CLNS1A: variants seen among roughly 807,000 people sequenced by gnomAD.
CLNS1A encodes the protein methylosome subunit pICln.
CLNS1A carries 16 observed loss-of-function variants against 29.4 expected under a neutral mutation model. That is an observed-to-expected ratio of 0.54 (90% CI 0.37 to 0.83). CLNS1A has a LOEUF of 0.83. CLNS1A is among the 40% of genes least tolerant of loss of function. CLNS1A has a pLI of 0.00. For synonymous variants in CLNS1A, 96 were observed against 104.8 expected (o/e 0.92, Z 0.51); for missense variants, 235 against 287.4 (o/e 0.82, Z 1.32).
chr11:77,637,249 A>AAAAAAAAAG (rs1959137076), intron 1 of CLNS1A, among the ~76,000 whole-genome samples: 1 of 147,230 alleles, frequency 6.8e-6, no homozygotes, highest in Non-Finnish European at 1.5e-5. Context: ...GAGTTAAAAA[A>AAAAAAAAAG]AAAAAAAAAA....
intron 4 of CLNS1A, among the ~76,000 whole-genome samples, chr11:77,624,059 TG>T (rs1279195864): frequency 6.6e-6 from 1 of 152,162 alleles, no homozygotes; most frequent in Non-Finnish European, 1.5e-5. Flanking sequence ...GCCCAGGAGT[TG>T]GAGACCAGCT....
intron 2 of CLNS1A, among the ~76,000 whole-genome samples, chr11:77,627,753 CCCTT>C (rs1019448756): frequency 6.6e-6 from 1 of 152,118 alleles, no homozygotes; most frequent in Non-Finnish European, 1.5e-5. Context: ...CTAATATACT[CCCTT>C]AACTTTTTGG....
At chr11:77,623,845 C>T (rs1419097858) in intron 4 of CLNS1A, among the ~76,000 whole-genome samples, 1 of 152,188 alleles carries the variant, frequency 6.6e-6, no homozygotes, top group African/African-American at 2.4e-5. Flanking sequence ...TATAAAGACT[C>T]TTATCACGCT....
chr11:77,625,822 G>T lies in CLNS1A; in HGVS notation c.263-4C>A. On this transcript the variant is annotated splice_region_variant and splice_polypyrimidine_tract_variant and intron_variant, in intron 2 of 6. Transcript: ENST00000525428. ...GCAACAGGTTCTTTTGATTCTTCTA[G>T]AAAATAAAATACCCTTTTAATGTCA... 1 of 1,555,136 alleles carries T rather than the reference G, an allele frequency of 6.4e-7. No individual in the cohort carries two copies.
At chr11:77,622,320 G>A in intron 5 of CLNS1A, 180 bp downstream of exon 5, 1 of 596,152 alleles carries the variant, frequency 1.7e-6, no homozygotes, top group Non-Finnish European at 2.8e-6. Flanking sequence ...TGGTAATGAG[G>A]AAAAAAAATC....
chr11:77,632,113 G>T (rs772469508), intron 1 of CLNS1A, among the ~76,000 whole-genome samples: 1 of 152,088 alleles, frequency 6.6e-6, no homozygotes, highest in Non-Finnish European at 1.5e-5. Context: ...CATTCCTACT[G>T]GTTCCAAAGA....
intron 1 of CLNS1A, among the ~76,000 whole-genome samples, chr11:77,635,390 C>T (rs1420199750): frequency 2.1e-5 from 3 of 145,548 alleles, no homozygotes; most frequent in African/African-American, 5.1e-5. Context: ...CTCACTCTGT[C>T]ACCCAGGCTG....
intron 1 of CLNS1A, among the ~76,000 whole-genome samples, chr11:77,630,402 C>G (rs954376072): frequency 6.6e-6 from 1 of 152,248 alleles, no homozygotes; most frequent in East Asian, 1.9e-4. Flanking sequence ...CCTTCAAAAC[C>G]GTTAACAAAG....
At position 77,614,562 on chromosome 11, in the gene CLNS1A, G is replaced by A. The variant is rs912895532; in HGVS notation, c.*2156C>T. 1.3e-5 allele frequency: 2 copies of A among 152,196 alleles called. No homozygotes were observed. Among genetic ancestry groups the A allele is most frequent in the African/African-American group, 4.8e-5 (2 of 41,406 alleles). 9.4% of individuals were successfully genotyped at this position (152,196 alleles called of 1,614,324 possible). ...GGTTTTCACCGTATTGGCCAGGCTG[G>A]TCTCAAACTCCTGACCTCAAGTGAT... On this transcript the variant is annotated 3_prime_UTR_variant, in exon 7 of 7. Transcript: ENST00000525428.
At chr11:77,632,666 AT>A (rs1959086311) in intron 1 of CLNS1A, among the ~76,000 whole-genome samples, 1 of 151,976 alleles carries the variant, frequency 6.6e-6, no homozygotes, top group Non-Finnish European at 1.5e-5. Context: ...AGGTTTCTGT[AT>A]TTTACTTTTT....
At chr11:77,633,123 T>C (rs565573391) in intron 1 of CLNS1A, among the ~76,000 whole-genome samples, 2 of 151,504 alleles carry the variant, frequency 1.3e-5, no homozygotes, top group East Asian at 3.9e-4. Flanking sequence ...GACAGTACAT[T>C]CATTTAATCT....
At chr11:77,620,803 GA>G (rs1958949782) in intron 5 of CLNS1A, among the ~76,000 whole-genome samples, 1 of 151,904 alleles carries the variant, frequency 6.6e-6, no homozygotes, top group South Asian at 2.1e-4. Flanking sequence ...CCAACATGGT[GA>G]AACCCCGCCT....
intron 1 of CLNS1A, among the ~76,000 whole-genome samples, chr11:77,635,346 G>C (rs1959113804): frequency 6.8e-6 from 1 of 147,250 alleles, no homozygotes; most frequent in South Asian, 2.2e-4. Flanking sequence ...CTTTAGGTTT[G>C]AAATTTTTCT....
rs761829424 is a variant in CLNS1A, at chr11:77,619,615, G to T, written c.*13C>A. The T allele has an allele frequency of 1.2e-6, 2 of 1,601,284 alleles. No homozygotes were observed. The highest frequency in any genetic ancestry group is 1.7e-5 in the Admixed American group (1 of 60,018). On this transcript the variant is annotated 3_prime_UTR_variant, in exon 6 of 7. Coordinates refer to ENST00000525428, the MANE Select transcript of CLNS1A (RefSeq NM_001293.3). The stretch of plus-strand genomic sequence containing the variant: ...AAAATGAACTACTCACCTTAAACTT[G>T]CATAAATCATTTTCAGTGATCAACA...
At position 77,637,663 on chromosome 11, in the gene CLNS1A, G is replaced by GC; in HGVS notation, c.51dup (p.Arg18AlafsTer7). Reference sequence around the variant, plus strand: ...ACAGCCTCAGTGTCTGGCTGCTGCCGCAGGAGCCCCTCCGCTGGCCCAGGC... The same window carrying GC: ...ACAGCCTCAGTGTCTGGCTGCTGCCGCCAGGAGCCCCTCCGCTGGCCCAGGC... On this transcript the variant is annotated frameshift_variant, in exon 1 of 7. Coordinates refer to ENST00000525428, the MANE Select transcript of CLNS1A (RefSeq NM_001293.3). LOFTEE classifies it high-confidence loss of function. 4 of 1,573,534 alleles carry GC rather than the reference G, an allele frequency of 2.5e-6. No individual in the cohort carries two copies. Among genetic ancestry groups the GC allele is most frequent in the Non-Finnish European group, 3.4e-6 (4 of 1,160,030 alleles).
At position 77,619,686 on chromosome 11, in the gene CLNS1A, T is replaced by C. The variant is rs757786178; in HGVS notation, c.656A>G (p.Glu219Gly). Residue 219 changes from glutamate to glycine, a missense_variant, in exon 6 of 7, where the codon GAG becomes GGG. Coordinates refer to ENST00000525428, the MANE Select transcript of CLNS1A (RefSeq NM_001293.3). Reference sequence around the variant, plus strand: ...AGCAACTGTTGGTGTGGTATCCACCTCCATCCCATCTAAACAAAAAAATTA... The same window carrying C: ...AGCAACTGTTGGTGTGGTATCCACCCCCATCCCATCTAAACAAAAAAATTA... Reference protein sequence around the residue: ...DSIRDYEDGMEVDTTPTVAGQ... With the variant: ...DSIRDYEDGMGVDTTPTVAGQ... 15 of 1,612,734 alleles carry C rather than the reference T, an allele frequency of 9.3e-6. No homozygotes were observed. The highest frequency in any genetic ancestry group is 8.3e-5 in the Admixed American group (5 of 60,008).
chr11:77,622,663 C>G lies in CLNS1A; in HGVS notation c.483G>C (p.Gln161His). The change falls in exon 5 of 7, where the codon CAG becomes CAC. Residue 161 changes from glutamine to histidine, a missense_variant. By Grantham distance (24) the Gln-to-His change is conservative (BLOSUM62 0). Coordinates refer to ENST00000525428, the MANE Select transcript of CLNS1A (RefSeq NM_001293.3). The part of the protein sequence containing the change: ...EYDVEAHEQG[Q>H]GDIPTFYTYE... Reference sequence around the variant, plus strand: ...AGGTGTAAAATGTAGGGATGTCCCCCTGTCCTTGTTCTAAACAAACAGAAA... The same window carrying G: ...AGGTGTAAAATGTAGGGATGTCCCCGTGTCCTTGTTCTAAACAAACAGAAA... The G allele has an allele frequency of 1.3e-6, 2 of 1,591,312 alleles. No homozygotes were observed. The highest frequency in any genetic ancestry group is 1.7e-6 in the Non-Finnish European group (2 of 1,173,448).
intron 2 of CLNS1A, among the ~76,000 whole-genome samples, chr11:77,628,964 C>T (rs1959047907): frequency 6.6e-6 from 1 of 152,086 alleles, no homozygotes; most frequent in Admixed American, 6.5e-5. Context: ...CTGCTAGACA[C>T]CAATAATACC....
At chr11:77,628,794 A>C (rs1959046072) in intron 2 of CLNS1A, among the ~76,000 whole-genome samples, 1 of 152,228 alleles carries the variant, frequency 6.6e-6, no homozygotes, top group East Asian at 1.9e-4. Flanking sequence ...GACTTTTACA[A>C]GTCTTTGCAA....
Sources: allele counts gnomAD v4.1 joint callset (sites outside exome capture counted in the v4.1 genomes callset), GRCh38; gene constraint gnomAD v4.1.1; transcripts MANE v1.5; gene names NCBI Gene and HGNC (gene_info 2026-07-23, HGNC 2026-07-21).